Variants in CCNB2 observed in about 807,000 individuals in gnomAD.
CCNB2 encodes G2/mitotic-specific cyclin-B2.
Under a neutral mutation model 51.1 loss-of-function variants are expected in CCNB2, and 39 were observed. The ratio of observed to expected loss-of-function variants is 0.76; its 90% CI spans 0.59 to 1.00. CCNB2 has a LOEUF of 1.00. CCNB2 is among the 50% of genes least tolerant of loss of function. CCNB2 has a pLI of 0.00. For synonymous variants in CCNB2, 174 were observed against 165.5 expected (o/e 1.05, Z -0.40); for missense variants, 472 against 470.3 (o/e 1.00, Z -0.03).
At chr15:59,124,415 T>A (rs1419735389) in intron 8 of CCNB2, 4 of 272,920 alleles carry the variant, frequency 1.5e-5, no homozygotes. Flanking sequence ...TAATTGTTCC[T>A]ATTGCTGCCA....
intron 3 of CCNB2, among the ~76,000 whole-genome samples, chr15:59,110,149 A>C (rs2140286289): frequency 6.6e-6 from 1 of 152,180 alleles, no homozygotes; most frequent in African/African-American, 2.4e-5. Flanking sequence ...AGGGAAAAAT[A>C]GTTTCCTCCT....
At chr15:59,115,537 A>G (rs1024814092) in intron 5 of CCNB2, 2 of 151,876 alleles carry the variant, frequency 1.3e-5, no homozygotes, top group Admixed American at 1.3e-4. Context: ...CTACCAAACA[A>G]TAGCCCTGCA....
chr15:59,116,381 G>T (rs1179573827), intron 5 of CCNB2, among the ~76,000 whole-genome samples: 6 of 152,168 alleles, frequency 3.9e-5, no homozygotes, highest in Non-Finnish European at 7.3e-5. Flanking sequence ...GCAATTGAAT[G>T]ATCTTGGCAT....
intron 7 of CCNB2, chr15:59,120,956 A>G (rs773891147): frequency 4.6e-5 from 7 of 152,208 alleles, no homozygotes; most frequent in Non-Finnish European, 1.0e-4. Flanking sequence ...TTCATGCCCA[A>G]AATGTTTGAC....
At chr15:59,124,261 G>A (rs1330892496) in intron 8 of CCNB2, 7 of 166,694 alleles carry the variant, frequency 4.2e-5, no homozygotes, top group Middle Eastern at 3.0e-3. Flanking sequence ...AAAGAGCAAG[G>A]TATTTGAACC....
At chr15:59,109,460 A>G (rs1446789435) in intron 3 of CCNB2, among the ~76,000 whole-genome samples, 1 of 152,224 alleles carries the variant, frequency 6.6e-6, no homozygotes, top group African/African-American at 2.4e-5. Flanking sequence ...GAAATACCCT[A>G]GTTAAATCCA....
At chr15:59,112,721 G>A (rs117059109) in intron 3 of CCNB2, among the ~76,000 whole-genome samples, 1 of 151,888 alleles carries the variant, frequency 6.6e-6, no homozygotes, top group Non-Finnish European at 1.5e-5. Flanking sequence ...GTTTTACTTG[G>A]AGAAGTACTT....
intron 7 of CCNB2, 52 bp from the exon 8 acceptor site, chr15:59,123,465 G>C: frequency 9.9e-7 from 1 of 1,012,162 alleles, no homozygotes; most frequent in Non-Finnish European, 1.6e-6. Flanking sequence ...AAGAAGCAGA[G>C]GTTTTCTCTT....
In CCNB2 at chr15:59,114,585, G is replaced by A. The variant is rs1422533351; in HGVS notation, c.409G>A (p.Asp137Asn). 4 of 1,602,908 alleles carry A rather than the reference G, an allele frequency of 2.5e-6. No homozygotes were observed. The highest frequency in any genetic ancestry group is 1.7e-5 in the Admixed American group (1 of 58,648). Residue 137 changes from aspartate (D) to asparagine (N), a missense_variant, in exon 4 of 9, where the codon GAT (aspartate) becomes AAT (asparagine). Physicochemically the swap from Asp to Asn is conservative, Grantham distance 23. Transcript: ENST00000288207. ...TCAGCTCTGCAGTGACTACGTTAAG[G>A]ATATCTATCAGTATCTCAGGCAGCT... Reference protein sequence around the residue: ...NPQLCSDYVKDIYQYLRQLEV... With the variant: ...NPQLCSDYVKNIYQYLRQLEV...
At position 59,116,783 on chromosome 15, in the gene CCNB2, G is replaced by C. The variant is rs370687594; in HGVS notation, c.691G>C (p.Glu231Gln). 1 of 1,613,876 alleles carries C rather than the reference G, an allele frequency of 6.2e-7. No homozygotes were observed. The highest frequency in any genetic ancestry group is 8.5e-7 in the Non-Finnish European group (1 of 1,179,946). Residue 231 changes from glutamate (E) to glutamine (Q), a missense_variant, in exon 6 of 9, where the codon GAA becomes CAA. Transcript: ENST00000288207. ...KYEEMFSPNI[E>Q]DFVYITDNAY... ...TGAGGAGATGTTTTCTCCAAATATTGAAGACTTTGTTTACATCACAGACAA... is the reference window on the plus strand; with the variant it reads ...TGAGGAGATGTTTTCTCCAAATATTCAAGACTTTGTTTACATCACAGACAA...
intron 3 of CCNB2, among the ~76,000 whole-genome samples, chr15:59,109,414 A>T (rs1424168391): frequency 6.6e-6 from 1 of 152,220 alleles, no homozygotes; most frequent in African/African-American, 2.4e-5. Context: ...AAGTACTTTT[A>T]GATAGTGCTA....
chr15:59,122,241 C>G (rs1198869606), intron 7 of CCNB2, among the ~76,000 whole-genome samples: 1 of 72,990 alleles, frequency 1.4e-5, no homozygotes, highest in Non-Finnish European at 2.4e-5. Flanking sequence ...GTTGACATAT[C>G]TTTTTTTTTT....
intron 3 of CCNB2, among the ~76,000 whole-genome samples, chr15:59,108,827 A>G (rs16941030): frequency 0.042 from 6,450 of 152,278 alleles, 304 homozygotes; most frequent in African/African-American, 0.11. Flanking sequence ...GATGGTTGAA[A>G]GCTCTTTGCT....
rs1596331765 is a variant in CCNB2 at position 59,116,682 on chromosome 15, T to C, written c.598-8T>C. On this transcript the variant is annotated splice_polypyrimidine_tract_variant and splice_region_variant and intron_variant, in intron 5 of 8. Coordinates refer to ENST00000288207, the MANE Select transcript of CCNB2 (RefSeq NM_004701.4). ...GGTGTGACTTTTGTTACATTAATTT[T>C]CCATTAGGTTCAGCCAGTTTCCCGG... The C allele has an allele frequency of 6.3e-7, 1 of 1,590,906 alleles. No homozygotes were observed. Among genetic ancestry groups the C allele is most frequent in the Non-Finnish European group, 8.6e-7 (1 of 1,161,944 alleles).
At chr15:59,119,471 A>AAAC (rs1315665427) in intron 7 of CCNB2, among the ~76,000 whole-genome samples, 3 of 151,290 alleles carry the variant, frequency 2.0e-5, no homozygotes, top group East Asian at 3.9e-4. Flanking sequence ...AAAAAAAAAA[A>AAAC]AAAAAACAAA....
intron 7 of CCNB2, 79 bp from the exon 8 acceptor site, chr15:59,123,438 C>T (rs905938976): frequency 2.5e-6 from 2 of 785,418 alleles, no homozygotes; most frequent in Admixed American, 4.1e-5. Context: ...TCATCATGTA[C>T]AAGATGTGTT....
Position 59,124,851 on chromosome 15 carries a change from G to A in CCNB2, c.1171G>A (p.Ala391Thr), listed in dbSNP as rs770807962. Reference protein sequence around the residue: ...QLNSKAVKDLASPLIGRS With the variant: ...QLNSKAVKDLTSPLIGRS ...GAACTCAAAAGCCGTCAAAGACCTT[G>A]CCTCCCCACTGATAGGAAGGTCCTA... Residue 391 changes from alanine to threonine, a missense_variant, in exon 9 of 9, where the codon GCC becomes ACC. Physicochemically the swap from Ala to Thr is moderately conservative, Grantham distance 58. Transcript: ENST00000288207. 3.7e-6 allele frequency: 6 copies of A among 1,601,356 alleles called. No individual in the cohort carries two copies. Among genetic ancestry groups the A allele is most frequent in the Non-Finnish European group, 5.1e-6 (6 of 1,173,934 alleles).
At chr15:59,117,511 T>C in intron 7 of CCNB2, 143 bp downstream of exon 7, 2 of 827,458 alleles carry the variant, frequency 2.4e-6, no homozygotes, top group Admixed American at 2.5e-5. Context: ...TTCTGTCACG[T>C]AGGCTGGAGT....
chr15:59,108,729 G>T (rs1033791153), intron 3 of CCNB2, among the ~76,000 whole-genome samples: 11 of 152,190 alleles, frequency 7.2e-5, no homozygotes, highest in Non-Finnish European at 1.6e-4. Flanking sequence ...TGAGGTAACC[G>T]AGGGACATCT....
Sources: allele counts gnomAD v4.1 joint callset (sites outside exome capture counted in the v4.1 genomes callset), GRCh38; gene constraint gnomAD v4.1.1; transcripts MANE v1.5; gene names NCBI Gene and HGNC (gene_info 2026-07-23, HGNC 2026-07-21).